CEP85L: variants seen among roughly 807,000 people sequenced by gnomAD.
CEP85L encodes centrosomal protein 85L.
CEP85L carries 60 observed loss-of-function variants against 100.3 expected under a neutral mutation model. The observed-to-expected ratio is 0.60, with a 90% CI of 0.49 to 0.74. The LOEUF (loss-of-function observed/expected upper bound fraction) is 0.74, where lower values mean the gene tolerates loss of function less well. CEP85L is among the 30% of genes least tolerant of loss of function. The pLI is 0.00. For synonymous variants in CEP85L, 319 were observed against 322.7 expected (o/e 0.99, Z 0.12); for missense variants, 973 against 936.2 (o/e 1.04, Z -0.51).
At chr6:118,626,193 C>T (rs1224562284) in intron 2 of CEP85L, among the ~76,000 whole-genome samples, 1 of 152,154 alleles carries the variant, frequency 6.6e-6, no homozygotes, top group Non-Finnish European at 1.5e-5. Flanking sequence ...GGACTTACTT[C>T]AGTTCTGGAT....
chr6:118,640,427 C>T (rs1774787745), intron 1 of CEP85L, among the ~76,000 whole-genome samples: 2 of 152,184 alleles, frequency 1.3e-5, no homozygotes, highest in Admixed American at 6.5e-5. Context: ...CTTAACCTCT[C>T]TGTGCCTCAA....
At chr6:118,603,248 G>A (rs1283799982) in intron 2 of CEP85L, among the ~76,000 whole-genome samples, 1 of 152,010 alleles carries the variant, frequency 6.6e-6, no homozygotes, top group Non-Finnish European at 1.5e-5. Flanking sequence ...ATATGAAAGT[G>A]ACACTCTTTA....
intron 1 of CEP85L, among the ~76,000 whole-genome samples, chr6:118,675,095 C>A (rs77967963): frequency 6.6e-6 from 1 of 152,140 alleles, no homozygotes; most frequent in African/African-American, 2.4e-5. Context: ...CAAAGTGTTA[C>A]ACACACACCC....
intron 2 of CEP85L, among the ~76,000 whole-genome samples, chr6:118,622,262 T>A (rs184137403): frequency 1.3e-5 from 2 of 152,346 alleles, no homozygotes; most frequent in East Asian, 3.9e-4. Context: ...TTTGTGGCTC[T>A]CAGATAACCA....
At chr6:118,603,171 G>T (rs970046581) in intron 2 of CEP85L, among the ~76,000 whole-genome samples, 1 of 152,020 alleles carries the variant, frequency 6.6e-6, no homozygotes, top group Non-Finnish European at 1.5e-5. Flanking sequence ...CTACCCTCAA[G>T]TAGCTATGAA....
At chr6:118,541,764 G>C (rs1162607184) in intron 3 of CEP85L, among the ~76,000 whole-genome samples, 2 of 152,132 alleles carry the variant, frequency 1.3e-5, no homozygotes, top group Admixed American at 1.3e-4. Context: ...AAAGCCACTT[G>C]ATCTTAACTA....
At chr6:118,543,497 A>T (rs536443344) in intron 3 of CEP85L, among the ~76,000 whole-genome samples, 10 of 152,322 alleles carry the variant, frequency 6.6e-5, no homozygotes, top group African/African-American at 2.4e-4. Context: ...ATAGACCTAT[A>T]TAATATAAAA....
intron 1 of CEP85L, among the ~76,000 whole-genome samples, chr6:118,660,601 G>A (rs1263350294): frequency 6.6e-6 from 1 of 152,190 alleles, no homozygotes; most frequent in African/African-American, 2.4e-5. Flanking sequence ...AGGTTCACAG[G>A]ATCTATATTG....
intron 3 of CEP85L, among the ~76,000 whole-genome samples, chr6:118,550,402 C>A (rs1778473386): frequency 6.6e-6 from 1 of 151,454 alleles, no homozygotes; most frequent in African/African-American, 2.4e-5. Context: ...ATTAAAAAAC[C>A]TAAAGTCTAG....
In CEP85L at chr6:118,646,361, G is replaced by A. The variant is rs1346106675; in HGVS notation, c.73+4836C>T. Among the ~76,000 whole-genome samples the A allele has an allele frequency of 2.0e-5, 3 of 151,922 alleles. No homozygotes were observed. In the East Asian group the frequency reaches 5.8e-4, roughly 29 times the overall value. ...AAATCCTGATAGTAATAATAATAAT[G>A]AATAACATGTTATTGCTTAAAAATT... On this transcript the variant is annotated intron_variant, in intron 1 of 12. Coordinates refer to ENST00000368491, the MANE Select transcript of CEP85L (RefSeq NM_001042475.3).
rs1421269713 is a variant in CEP85L, at chr6:118,511,379, T to C, written c.1176A>G (p.Ile392Met). 7 of 1,612,976 alleles carry C rather than the reference T, an allele frequency of 4.3e-6. No individual in the cohort carries two copies. The highest frequency in any genetic ancestry group is 1.3e-5 in the African/African-American group (1 of 74,998). Residue 392 changes from isoleucine (I) to methionine (M), a missense_variant, in exon 5 of 13, where the codon ATA becomes ATG. Around this residue, in one of 3 missense-constraint regions of CEP85L, gnomAD observed 890 missense variants for 844.5 expected, o/e 1.05. Coordinates refer to ENST00000368491, the MANE Select transcript of CEP85L (RefSeq NM_001042475.3). ...GTTGAGCCCGTAATTCATTATCCCTTATCCTCTCATGCAGGTGGGTAATTT... is the reference window on the plus strand; with the variant it reads ...GTTGAGCCCGTAATTCATTATCCCTCATCCTCTCATGCAGGTGGGTAATTT... ...KQQITHLHER[I>M]RDNELRAQHA...
intron 1 of CEP85L, among the ~76,000 whole-genome samples, chr6:118,697,916 A>G (rs73515251): frequency 1.8e-4 from 27 of 152,280 alleles, no homozygotes; most frequent in African/African-American, 6.3e-4. Flanking sequence ...ATGGCTACTC[A>G]CTGAAGAAGT....
chr6:118,503,574 T>TAAAA (rs1448570346), intron 5 of CEP85L, among the ~76,000 whole-genome samples: 11 of 152,116 alleles, frequency 7.2e-5, no homozygotes, highest in Non-Finnish European at 1.3e-4. Flanking sequence ...CAATGTGGTA[T>TAAAA]TAGTGATAAA....
intron 5 of CEP85L, among the ~76,000 whole-genome samples, chr6:118,508,787 T>C (rs1236086866): frequency 2.6e-5 from 4 of 152,094 alleles, no homozygotes; most frequent in African/African-American, 7.2e-5. Context: ...CTAGTGTCTA[T>C]AGAATTAGGA....
chr6:118,521,733 A>C (rs1241480899), intron 4 of CEP85L, among the ~76,000 whole-genome samples: 2 of 152,156 alleles, frequency 1.3e-5, no homozygotes, highest in African/African-American at 2.4e-5. Context: ...CTGCAGGATG[A>C]CAGAACATGT....
At chr6:118,571,330 T>C (rs547250818) in intron 2 of CEP85L, among the ~76,000 whole-genome samples, 53 of 152,204 alleles carry the variant, frequency 3.5e-4, no homozygotes, top group Non-Finnish European at 6.8e-4. Context: ...GGGTAGTCCT[T>C]TTAAAAACAA....
At chr6:118,476,695 A>C (rs956388050) in intron 10 of CEP85L, among the ~76,000 whole-genome samples, 3 of 152,228 alleles carry the variant, frequency 2.0e-5, no homozygotes, top group Non-Finnish European at 4.4e-5. Flanking sequence ...TGTTATAAAT[A>C]GAACAGACTG....
Position 118,491,763 on chromosome 6 carries a change from C to A in CEP85L, c.1360G>T (p.Glu454Ter). ...FEQKLASTEK[E>*]VLQLNEFLKQ... ...AGAAACTCATTAAGCTGTAAAACTT[C>A]TTTCTCAGTAGATGCAAGCTTTTGC... is the stretch of plus-strand genomic sequence containing the variant. Residue 454 changes from glutamate to a stop codon, truncating the protein, a stop_gained, in exon 6 of 13, where the codon GAA becomes TAA. Coordinates refer to ENST00000368491, the MANE Select transcript of CEP85L (RefSeq NM_001042475.3). LOFTEE classifies it high-confidence loss of function. 6.2e-7 allele frequency: 1 copy of A among 1,613,156 alleles called. No individual in the cohort carries two copies. Among genetic ancestry groups the A allele is most frequent in the Non-Finnish European group, 8.5e-7 (1 of 1,179,506 alleles).
intron 2 of CEP85L, among the ~76,000 whole-genome samples, 158 bp downstream of exon 2, chr6:118,632,294 GA>G (rs1774216586): frequency 6.6e-6 from 1 of 152,172 alleles, no homozygotes; most frequent in Non-Finnish European, 1.5e-5. Flanking sequence ...CGGTCGATTA[GA>G]GGGACAATTT....
Sources: gnomAD v4.1 joint callset for allele counts (sites outside exome capture counted in the v4.1 genomes callset) on GRCh38, gnomAD v4.1.1 for gene constraint, gnomAD v4.1.1 regional missense constraint, MANE v1.5 for transcripts, NCBI Gene and HGNC (gene_info 2026-07-23, HGNC 2026-07-21) for gene names.